ZC3H3: variants seen among roughly 807,000 people sequenced by gnomAD.
ZC3H3 encodes zinc finger CCCH-type containing 3, also known as zinc finger CCCH domain-containing protein 3.
In ZC3H3, 36 loss-of-function variants were observed where a neutral mutation model predicts 77.3. The ratio of observed to expected loss-of-function variants is 0.47; its 90% CI spans 0.36 to 0.61. The LOEUF (loss-of-function observed/expected upper bound fraction) is 0.61. ZC3H3 is among the 20% of genes least tolerant of loss of function. The pLI is 0.00. For synonymous variants in ZC3H3, 626 were observed against 555.2 expected (o/e 1.13, Z -1.79); for missense variants, 1,331 against 1,312.2 (o/e 1.01, Z -0.22).
intron 4 of ZC3H3, among the ~76,000 whole-genome samples, chr8:143,495,089 G>A (rs947059366): frequency 3.3e-5 from 5 of 152,182 alleles, no homozygotes; most frequent in Admixed American, 2.0e-4. Context: ...TCCCACGCGC[G>A]ACAGTCATGG....
At chr8:143,468,117 G>C (rs1820462214) in intron 8 of ZC3H3, 92 bp downstream of exon 8, 5 of 1,473,306 alleles carry the variant, frequency 3.4e-6, no homozygotes. Context: ...CCCAAACCCA[G>C]AGAAAGCTGT....
chr8:143,513,300 G>C (rs1448821363), intron 3 of ZC3H3, among the ~76,000 whole-genome samples: 1 of 152,134 alleles, frequency 6.6e-6, no homozygotes, highest in South Asian at 2.1e-4. Context: ...AGACTGCTGA[G>C]GGGCAAAGGC....
Position 143,538,008 on chromosome 8 carries a change from G to A in ZC3H3, c.1359C>T (p.Ser453=). The change falls in exon 2 of 12, where the codon AGC becomes AGT. Residue 453 remains serine, a synonymous_variant. Coordinates refer to ENST00000262577, the MANE Select transcript of ZC3H3 (RefSeq NM_015117.3). ...SRTKIIRRRS[S]TSLPGDKKSG... ...CAGCCGGCCGGGATGCCCACCTTGT[G>A]CTGCTGCGTCTCCGGATGATCTTGG... 6.3e-7 allele frequency: 1 copy of A among 1,599,664 alleles called. No individual in the cohort carries two copies. The highest frequency in any genetic ancestry group is 8.5e-7 in the Non-Finnish European group (1 of 1,172,318).
intron 3 of ZC3H3, among the ~76,000 whole-genome samples, chr8:143,516,566 C>CACACACACAT (rs1180889079): frequency 1.1e-5 from 1 of 92,828 alleles, no homozygotes; most frequent in African/African-American, 4.9e-5. Flanking sequence ...CACACACACA[C>CACACACACAT]ATACACACAC....
At chr8:143,457,696 G>A (rs1820157254) in intron 9 of ZC3H3, among the ~76,000 whole-genome samples, 1 of 152,006 alleles carries the variant, frequency 6.6e-6, no homozygotes, top group Admixed American at 6.6e-5. Context: ...ACAAGACCCT[G>A]TCTTACAGAA....
Position 143,538,087 on chromosome 8 carries a change from A to G in ZC3H3, c.1280T>C (p.Leu427Ser). 1 of 1,613,090 alleles carries G rather than the reference A, an allele frequency of 6.2e-7. No individual in the cohort carries two copies. The highest frequency in any genetic ancestry group is 1.1e-5 in the South Asian group (1 of 91,092). Residue 427 changes from leucine (L) to serine (S), a missense_variant, in exon 2 of 12, where the codon TTG becomes TCG. By Grantham distance (145) the Leu-to-Ser change is moderately radical. Coordinates refer to ENST00000262577, the MANE Select transcript of ZC3H3 (RefSeq NM_015117.3). ...CGGGGTCTCCCCAGAGAGGGGCTTCAAGCCACTGTGTCCTACTGCTGGTCT... is the reference window on the plus strand; with the variant it reads ...CGGGGTCTCCCCAGAGAGGGGCTTCGAGCCACTGTGTCCTACTGCTGGTCT... ...GDRPAVGHSG[L>S]KPLSGETPLS...
In ZC3H3 at chr8:143,475,568, C is replaced by T. The variant is rs17855618; in HGVS notation, c.1733G>A (p.Arg578His). 59 of 1,602,058 alleles carry T rather than the reference C, an allele frequency of 3.7e-5. No homozygotes were observed. The highest frequency in any genetic ancestry group is 4.5e-5 in the Non-Finnish European group (53 of 1,174,890). ...ACCCCCGCTGGCAACTGGACGCAGG[C>T]GGTTCAGCACCAGGGACCTGCAGAG... ...LSLSRSLVLN[R>H]LRPVASGGGK... Residue 578 changes from arginine (R) to histidine (H), a missense_variant, in exon 5 of 12, where the codon CGC becomes CAC. Arg to His is a conservative substitution (Grantham distance 29). Coordinates refer to ENST00000262577, the MANE Select transcript of ZC3H3 (RefSeq NM_015117.3).
At chr8:143,449,026 G>C (rs1819926585) in intron 9 of ZC3H3, among the ~76,000 whole-genome samples, 1 of 152,246 alleles carries the variant, frequency 6.6e-6, no homozygotes, top group Non-Finnish European at 1.5e-5. Context: ...GCCACAGCTG[G>C]AGCTGGACTG....
intron 3 of ZC3H3, 149 bp from the exon 4 acceptor site, chr8:143,508,048 T>C (rs1328650680): frequency 4.2e-6 from 4 of 959,824 alleles, no homozygotes; most frequent in African/African-American, 1.7e-5. Flanking sequence ...CCTCAACCCA[T>C]GTGGCACACA....
intron 2 of ZC3H3, among the ~76,000 whole-genome samples, chr8:143,536,865 G>A (rs1234031028): frequency 6.6e-6 from 1 of 152,182 alleles, no homozygotes; most frequent in East Asian, 1.9e-4. Context: ...CCCTCAGTAA[G>A]GGGGCAGCTT....
intron 3 of ZC3H3, among the ~76,000 whole-genome samples, chr8:143,522,263 A>G (rs1822271021): frequency 6.6e-6 from 1 of 152,216 alleles, no homozygotes; most frequent in African/African-American, 2.4e-5. Context: ...CACAGCACAG[A>G]AGACTCCCTG....
rs564988354 is a variant in ZC3H3 at position 143,527,996 on chromosome 8, G to C, written c.1561+8261C>G. ...ACCCTGCCTCCTGCATCCGGCAAAG[G>C]TCCAGGCCTCCAGCACCGGACATGG... On this transcript the variant is annotated intron_variant, in intron 3 of 11. Coordinates refer to ENST00000262577, the MANE Select transcript of ZC3H3 (RefSeq NM_015117.3). Among the ~76,000 whole-genome samples the C allele has an allele frequency of 2.7e-4, 41 of 152,310 alleles. 1 individual carries two copies. The South Asian group carries it at 8.3e-3, about 31-fold the overall frequency.
intron 8 of ZC3H3, among the ~76,000 whole-genome samples, chr8:143,466,104 T>A (rs1234730903): frequency 2.0e-5 from 3 of 152,196 alleles, no homozygotes; most frequent in African/African-American, 7.2e-5. Flanking sequence ...GCCCTGTGGC[T>A]CAGCCTCAGG....
rs776474925 is a variant in ZC3H3 at position 143,440,985 on chromosome 8, G to C, written c.2443C>G (p.Pro815Ala). 1 of 1,465,112 alleles carries C rather than the reference G, an allele frequency of 6.8e-7. No individual in the cohort carries two copies. The highest frequency in any genetic ancestry group is 9.0e-7 in the Non-Finnish European group (1 of 1,115,704). The allele number at this position is 1,465,112 out of a possible 1,614,324, so 90.8% of individuals were successfully genotyped here. ...RRAATSPAPG[P>A]SDATARSRVS... Reference sequence around the variant, plus strand: ...CTGCTCCTGGCGGTTGCGTCGCTGGGCCCTGGGGCGGGGGACGTGGCTGCC... The same window carrying C: ...CTGCTCCTGGCGGTTGCGTCGCTGGCCCCTGGGGCGGGGGACGTGGCTGCC... Residue 815 changes from proline to alanine, a missense_variant, in exon 10 of 12, where the codon CCC becomes GCC. By Grantham distance (27) the Pro-to-Ala change is conservative. Transcript: ENST00000262577.
Position 143,468,486 on chromosome 8 carries a change from CT to C in ZC3H3, c.2000del (p.Glu667GlyfsTer67). 6.2e-7 allele frequency: 1 copy of C among 1,608,526 alleles called. No individual in the cohort carries two copies. The highest frequency in any genetic ancestry group is 1.7e-5 in the Admixed American group (1 of 59,564). On this transcript the variant is annotated frameshift_variant, in exon 7 of 12. Transcript: ENST00000262577. LOFTEE classifies it high-confidence loss of function. Reference protein sequence around the residue: ...AIIRQARQRREKRKEYCMYYN... With the variant: ...AIIRQARQRRXKRKEYCMYYN... Reference sequence around the variant, plus strand: ...AGTACATGCAGTACTCCTTCCTCTTCTCCCTGCGCTGCCGCGCCTGCCGGAT... The same window carrying C: ...AGTACATGCAGTACTCCTTCCTCTTCCCCTGCGCTGCCGCGCCTGCCGGAT...
intron 3 of ZC3H3, among the ~76,000 whole-genome samples, chr8:143,521,098 G>A (rs972018124): frequency 1.4e-4 from 22 of 152,216 alleles, no homozygotes; most frequent in Middle Eastern, 3.4e-3. Flanking sequence ...GCCCGGCCCC[G>A]CCACAGCCCC....
chr8:143,520,686 G>A (rs896976524), intron 3 of ZC3H3, among the ~76,000 whole-genome samples: 6 of 152,212 alleles, frequency 3.9e-5, no homozygotes, highest in African/African-American at 1.2e-4. Flanking sequence ...GCCTTTCCAC[G>A]TTTTGTGAGC....
intron 9 of ZC3H3, among the ~76,000 whole-genome samples, chr8:143,464,572 G>A (rs1302358765): frequency 6.6e-6 from 1 of 152,206 alleles, no homozygotes; most frequent in Non-Finnish European, 1.5e-5. Flanking sequence ...AGCTTCTACA[G>A]GACCCCACAG....
intron 3 of ZC3H3, among the ~76,000 whole-genome samples, chr8:143,523,697 G>A (rs984529199): frequency 6.6e-6 from 1 of 152,248 alleles, no homozygotes; most frequent in Non-Finnish European, 1.5e-5. Context: ...GCCACCAGGA[G>A]TGCATTCTCC....
Sources: gnomAD v4.1 joint callset for allele counts (sites outside exome capture counted in the v4.1 genomes callset) on GRCh38, gnomAD v4.1.1 for gene constraint, MANE v1.5 for transcripts, NCBI Gene and HGNC (gene_info 2026-07-23, HGNC 2026-07-21) for gene names.